TMEM156: variants seen among roughly 807,000 people sequenced by gnomAD.
TMEM156 encodes transmembrane protein 156.
TMEM156 carries 28 observed loss-of-function variants against 30.5 expected under a neutral mutation model. The observed-to-expected ratio is 0.92, with a 90% CI of 0.68 to 1.26. The LOEUF is 1.26. Among genes scored for constraint, TMEM156 ranks in the 50% most tolerant of loss-of-function variants. The pLI is 0.00. For missense variants in TMEM156, 351 were observed against 340.6 expected (o/e 1.03, Z -0.24); for synonymous variants, 137 against 119.9 (o/e 1.14, Z -0.93).
chr4:38,974,837 A>AT (rs1257197818), intron 5 of TMEM156, among the ~76,000 whole-genome samples: 2 of 151,568 alleles, frequency 1.3e-5, no homozygotes, highest in African/African-American at 4.9e-5. Flanking sequence ...CACCCAGCAA[A>AT]TTTTTTTGTA....
chr4:39,028,177 T>C (rs1715323453), intron 1 of TMEM156, among the ~76,000 whole-genome samples: 1 of 152,226 alleles, frequency 6.6e-6, no homozygotes, highest in African/African-American at 2.4e-5. Flanking sequence ...CGTGAGCCAC[T>C]GCACCCAGCC....
chr4:38,968,305 CATTT>C (rs916218791), intron 6 of TMEM156, among the ~76,000 whole-genome samples: 1 of 152,160 alleles, frequency 6.6e-6, no homozygotes, highest in African/African-American at 2.4e-5. Flanking sequence ...GGGATTTATT[CATTT>C]ACTCAACAAA....
chr4:38,992,712 T>TA (rs1560366861), intron 3 of TMEM156, among the ~76,000 whole-genome samples: 735 of 41,032 alleles, frequency 0.018, 10 homozygotes, highest in African/African-American at 0.047. Flanking sequence ...TATATATATA[T>TA]TATATATATA....
chr4:39,021,696 C>T (rs553424096), intron 1 of TMEM156, among the ~76,000 whole-genome samples: 40 of 152,152 alleles, frequency 2.6e-4, no homozygotes, highest in African/African-American at 8.4e-4. Context: ...TGGGTCATAA[C>T]CAAAAAAATA....
chr4:39,006,967 A>G (rs563432533), intron 1 of TMEM156, among the ~76,000 whole-genome samples: 39 of 152,154 alleles, frequency 2.6e-4, no homozygotes, highest in African/African-American at 8.2e-4. Context: ...ACAAAAAAAC[A>G]AAAACATGGA....
chr4:39,006,836 C>T (rs753954570), intron 1 of TMEM156, among the ~76,000 whole-genome samples: 7 of 151,964 alleles, frequency 4.6e-5, no homozygotes, highest in African/African-American at 1.4e-4. Context: ...CCAGCTACTA[C>T]AGAGGGTGAA....
chr4:38,993,597 A>G, intron 3 of TMEM156, 141 bp downstream of exon 3: 1 of 720,638 alleles, frequency 1.4e-6, no homozygotes, highest in Non-Finnish European at 2.2e-6. Flanking sequence ...AGATAAATAG[A>G]CTAACATTCT....
chr4:39,005,143 A>G (rs1713639583), intron 1 of TMEM156, among the ~76,000 whole-genome samples: 1 of 152,200 alleles, frequency 6.6e-6, no homozygotes, highest in Non-Finnish European at 1.5e-5. Flanking sequence ...GTATGATTCC[A>G]CTCATATGAC....
Position 38,990,830 on chromosome 4 carries a change from G to GTTTTTTTTTTTTTTTTTTTTTTTTT in TMEM156, c.620-1861_620-1860insAAAAAAAAAAAAAAAAAAAAAAAAA, listed in dbSNP as rs71304784. On this transcript the variant is annotated intron_variant, in intron 3 of 6. Coordinates refer to ENST00000381938, the MANE Select transcript of TMEM156 (RefSeq NM_024943.3). ...CTTTGTTTTTTTGGTTTGTTTTCTG[G>GTTTTTTTTTTTTTTTTTTTTTTTTT]TTTTTTTTTTTTTTTTTTTTTTTGA... 2.6e-4 allele frequency among the ~76,000 whole-genome samples: 21 copies of GTTTTTTTTTTTTTTTTTTTTTTTTT among 81,224 alleles called. 1 individual carries two copies. Among genetic ancestry groups the GTTTTTTTTTTTTTTTTTTTTTTTTT allele is most frequent in the South Asian group, 1.3e-3 (3 of 2,266 alleles). 53.3% of individuals were successfully genotyped at this position (81,224 alleles called of 152,430 possible). A position where few individuals can be genotyped will look rare whatever the true frequency, so the allele number is the denominator to read the frequency against.
rs144610040 is a variant in TMEM156 at position 38,975,304 on chromosome 4, A to G, written c.824-4167T>C. ...TTGTCATTAAGTACCAACCACATCT[A>G]TGGGGCTATGTCTGTCAGCCCAGTC... On this transcript the variant is annotated intron_variant, in intron 5 of 6. Coordinates refer to ENST00000381938, the MANE Select transcript of TMEM156 (RefSeq NM_024943.3). 3.3e-5 allele frequency among the ~76,000 whole-genome samples: 5 copies of G among 150,922 alleles called. No homozygotes were observed. In the East Asian group the frequency reaches 7.8e-4, roughly 23 times the overall value.
chr4:38,997,879 C>A (rs1314514682), intron 2 of TMEM156, among the ~76,000 whole-genome samples: 1 of 152,084 alleles, frequency 6.6e-6, no homozygotes, highest in Non-Finnish European at 1.5e-5. Flanking sequence ...AAAGGCCCTG[C>A]CCTCAAGAAG....
At chr4:39,017,426 G>C (rs1714575297) in intron 1 of TMEM156, among the ~76,000 whole-genome samples, 1 of 151,920 alleles carries the variant, frequency 6.6e-6, no homozygotes, top group Admixed American at 6.6e-5. Context: ...TGATCCACCT[G>C]TCTCAGCCTC....
chr4:38,977,847 T>C (rs553331631), intron 5 of TMEM156, among the ~76,000 whole-genome samples: 97 of 152,362 alleles, frequency 6.4e-4, no homozygotes, highest in African/African-American at 2.2e-3. Flanking sequence ...TAAAATTCCA[T>C]GCCTTATGCT....
intron 1 of TMEM156, among the ~76,000 whole-genome samples, chr4:39,023,883 G>A (rs1379301611): frequency 6.6e-6 from 1 of 151,914 alleles, no homozygotes; most frequent in Non-Finnish European, 1.5e-5. Context: ...AAAAAAAGAA[G>A]CCAGACCAAA....
rs1362904070 is a variant in TMEM156, at chr4:38,986,331, C to T, written c.823+5G>A. 7 of 1,611,326 alleles carry T rather than the reference C, an allele frequency of 4.3e-6. No individual in the cohort carries two copies. The highest frequency in any genetic ancestry group is 5.1e-6 in the Non-Finnish European group (6 of 1,177,482). ...GCTGTTTTGTTTACATGCCACAGAA[C>T]TTACCTGAAAGAACCTGCACATTCA... On this transcript the variant is annotated splice_donor_5th_base_variant and intron_variant, in intron 5 of 6. Transcript: ENST00000381938.
chr4:38,971,053 T>C lies in TMEM156; in HGVS notation c.*17A>G, dbSNP rs1722572664. On this transcript the variant is annotated 3_prime_UTR_variant, in exon 6 of 7. Transcript: ENST00000381938. ...TCACCGTGTATATTGATCTCACTGA[T>C]GCACTGTGGAAGTAACTTATAGTTC... 8 of 1,611,676 alleles carry C rather than the reference T, an allele frequency of 5.0e-6. No homozygotes were observed. Among genetic ancestry groups the C allele is most frequent in the Non-Finnish European group, 6.8e-6 (8 of 1,177,828 alleles).
At chr4:38,970,627 C>T (rs1371385120) in intron 6 of TMEM156, among the ~76,000 whole-genome samples, 2 of 152,060 alleles carry the variant, frequency 1.3e-5, no homozygotes, top group Admixed American at 6.5e-5. Flanking sequence ...AATCAATATG[C>T]ATTAATTTAG....
At chr4:38,989,019 A>T in intron 3 of TMEM156, 49 bp from the exon 4 acceptor site, 1 of 1,575,636 alleles carries the variant, frequency 6.3e-7, no homozygotes, top group Non-Finnish European at 8.6e-7. Flanking sequence ...TATTCAACAG[A>T]TAAAAGGCAA....
chr4:38,973,982 A>G (rs1722727197), intron 5 of TMEM156, among the ~76,000 whole-genome samples: 1 of 152,092 alleles, frequency 6.6e-6, no homozygotes, highest in African/African-American at 2.4e-5. Context: ...TATAAATATG[A>G]TGATGAGTAA....
Sources: allele counts gnomAD v4.1 joint callset (sites outside exome capture counted in the v4.1 genomes callset), GRCh38; gene constraint gnomAD v4.1.1; transcripts MANE v1.5; gene names NCBI Gene and HGNC (gene_info 2026-07-23, HGNC 2026-07-21).